Variants in TENM3 observed in about 807,000 individuals in gnomAD.
TENM3 encodes the protein teneurin-3.
TENM3 carries 63 observed loss-of-function variants against 255.1 expected under a neutral mutation model. The ratio of observed to expected loss-of-function variants is 0.25; its 90% CI spans 0.20 to 0.30. The LOEUF (loss-of-function observed/expected upper bound fraction) is 0.30. Ranked by LOEUF, TENM3 falls within the 10% of genes least tolerant of loss-of-function variation. The pLI, the probability that TENM3 is intolerant of heterozygous loss-of-function variation, is 1.00. For synonymous variants in TENM3, 1,306 were observed against 1,322.3 expected (o/e 0.99, Z 0.27); for missense variants, 2,929 against 3,461.1 (o/e 0.85, Z 3.86).
chr4:182,488,150 C>G (rs1173594292), intron 3 of TENM3, among the ~76,000 whole-genome samples: 2 of 152,114 alleles, frequency 1.3e-5, no homozygotes, highest in African/African-American at 4.8e-5. Context: ...ACGGTGCTGA[C>G]AAGCACAAAG....
At chr4:182,713,393 G>C (rs1758905016) in intron 12 of TENM3, among the ~76,000 whole-genome samples, 1 of 152,180 alleles carries the variant, frequency 6.6e-6, no homozygotes, top group African/African-American at 2.4e-5. Context: ...TATGCAGCCT[G>C]AATCCTAATG....
chr4:182,741,919 T>TG (rs1266101689), intron 18 of TENM3, among the ~76,000 whole-genome samples: 1 of 152,114 alleles, frequency 6.6e-6, no homozygotes, highest in Non-Finnish European at 1.5e-5. Flanking sequence ...TATCCCGAAG[T>TG]GGGGGGAAAA....
chr4:181,829,540 G>A, the TENM3 span, among the ~76,000 whole-genome samples: 1 of 152,032 alleles, frequency 6.6e-6, no homozygotes. Context: ...TTAGGAGAAC[G>A]AACTCACTCT....
At chr4:182,155,732 A>G (rs968815484) in intron 1 of TENM3, among the ~76,000 whole-genome samples, 3 of 152,190 alleles carry the variant, frequency 2.0e-5, no homozygotes, top group Non-Finnish European at 4.4e-5. Flanking sequence ...GGTAAATAAT[A>G]TACAAATTTT....
the TENM3 span, among the ~76,000 whole-genome samples, chr4:181,595,703 G>A: frequency 6.6e-6 from 1 of 152,060 alleles, no homozygotes. Flanking sequence ...CTTCAGACTT[G>A]TTCTCTGCTC....
the TENM3 span, among the ~76,000 whole-genome samples, chr4:181,592,662 C>CTCT: frequency 1.2e-4 from 15 of 130,070 alleles, no homozygotes; most frequent in South Asian, 2.5e-4. Flanking sequence ...GAAAATCTCT[C>CTCT]TTTTTTTTTT....
At chr4:181,741,744 G>T in the TENM3 span, among the ~76,000 whole-genome samples, 70 of 152,196 alleles carry the variant, frequency 4.6e-4, no homozygotes, top group African/African-American at 1.6e-3. Context: ...CCCTGTCACG[G>T]GTGGAACCAT....
the TENM3 span, among the ~76,000 whole-genome samples, chr4:181,604,360 C>T: frequency 6.6e-6 from 1 of 152,154 alleles, no homozygotes; most frequent in East Asian, 1.9e-4. Context: ...AAAAGCAAAA[C>T]AAAACAAAAA....
chr4:181,980,527 C>T, the TENM3 span: 6 of 152,072 alleles, frequency 3.9e-5, no homozygotes, highest in Non-Finnish European at 8.8e-5. Context: ...ATACATGTAC[C>T]ACAATCACAA....
rs1165582564 is a variant in TENM3, at chr4:182,650,903, TATATATATATATATATATATAA to T, written c.989-2866_989-2845del. On this transcript the variant is annotated intron_variant, in intron 5 of 27. Transcript: ENST00000511685. ...TAATAAAAAAAAATATATATATATA[TATATATATATATATATATATAA>T]AACAAAGCTGTTGCCTATCTGGCAA... Among the ~76,000 whole-genome samples, 12 of 18,194 alleles carry T rather than the reference TATATATATATATATATATATAA, an allele frequency of 6.6e-4. 1 individual carries two copies. The highest frequency in any genetic ancestry group is 2.5e-3 in the East Asian group (2 of 804). The allele number at this position is 18,194 out of a possible 152,430, so 11.9% of individuals were successfully genotyped here. A position where few individuals can be genotyped will look rare whatever the true frequency, so the allele number is the denominator to read the frequency against.
chr4:182,046,390 T>A, the TENM3 span, among the ~76,000 whole-genome samples: 1 of 152,058 alleles, frequency 6.6e-6, no homozygotes, highest in Non-Finnish European at 1.5e-5. Context: ...CTAAGGTATC[T>A]GTAAACTAAT....
intron 3 of TENM3, among the ~76,000 whole-genome samples, chr4:182,385,194 G>A (rs1767828661): frequency 6.7e-6 from 1 of 149,486 alleles, no homozygotes; most frequent in South Asian, 2.1e-4. Flanking sequence ...GTTGAGTTGA[G>A]AATGTAGAAT....
At position 182,358,863 on chromosome 4, in the gene TENM3, G is replaced by A. The variant is rs1346451901; in HGVS notation, c.511+11934G>A. Reference sequence around the variant, plus strand: ...TGATATTGGCTGTGGGTTTGTCATAGATAGCTCTTATTATTTTGAGATACG... The same window carrying A: ...TGATATTGGCTGTGGGTTTGTCATAAATAGCTCTTATTATTTTGAGATACG... On this transcript the variant is annotated intron_variant, in intron 3 of 27. Transcript: ENST00000511685. 2.0e-5 allele frequency among the ~76,000 whole-genome samples: 3 copies of A among 151,026 alleles called. No homozygotes were observed. In the East Asian group the frequency reaches 5.8e-4, roughly 29 times the overall value.
At chr4:181,782,229 G>T in the TENM3 span, among the ~76,000 whole-genome samples, 1 of 152,134 alleles carries the variant, frequency 6.6e-6, no homozygotes, top group Non-Finnish European at 1.5e-5. Context: ...GGTAGAATTT[G>T]GCTGTGAATC....
At chr4:181,773,761 A>G in the TENM3 span, among the ~76,000 whole-genome samples, 2 of 152,130 alleles carry the variant, frequency 1.3e-5, no homozygotes, top group African/African-American at 2.4e-5. Context: ...TTGTGTTTAT[A>G]ACTGCCTACC....
the TENM3 span, among the ~76,000 whole-genome samples, chr4:182,010,954 C>G: frequency 6.6e-6 from 1 of 152,228 alleles, no homozygotes; most frequent in East Asian, 1.9e-4. Context: ...TCATTCTCTT[C>G]AATTTCCCTC....
At chr4:181,873,025 G>C in the TENM3 span, among the ~76,000 whole-genome samples, 1 of 151,622 alleles carries the variant, frequency 6.6e-6, no homozygotes, top group African/African-American at 2.4e-5. Context: ...ATACTTAGGA[G>C]GTAATTAAAA....
At chr4:182,234,493 G>A (rs995935735) in intron 1 of TENM3, among the ~76,000 whole-genome samples, 2 of 152,180 alleles carry the variant, frequency 1.3e-5, no homozygotes, top group Non-Finnish European at 2.9e-5. Flanking sequence ...AGCACTTTGA[G>A]GGGCCAAGGT....
intron 4 of TENM3, among the ~76,000 whole-genome samples, chr4:182,624,665 C>G (rs1463994437): frequency 1.3e-5 from 2 of 152,312 alleles, no homozygotes; most frequent in East Asian, 3.9e-4. Flanking sequence ...CCCCAGTCCA[C>G]TCTATTTCAC....
Sources: allele counts gnomAD v4.1 joint callset (sites outside exome capture counted in the v4.1 genomes callset), GRCh38; gene constraint gnomAD v4.1.1; transcripts MANE v1.5; gene names NCBI Gene and HGNC (gene_info 2026-07-23, HGNC 2026-07-21).